Variants in ITSN1 observed in about 807,000 individuals in gnomAD.
ITSN1 encodes intersectin 1.
Under a neutral mutation model 239.8 loss-of-function variants are expected in ITSN1, and 58 were observed. That is an observed-to-expected ratio of 0.24 (90% confidence interval 0.20 to 0.30). The LOEUF is 0.30. ITSN1 is among the 10% of genes least tolerant of loss of function. The pLI is 1.00. For synonymous variants in ITSN1, 780 were observed against 770.8 expected (o/e 1.01, Z -0.20); for missense variants, 1,558 against 2,103.3 (o/e 0.74, Z 5.07).
At chr21:33,764,182 A>G (rs946858039) in intron 9 of ITSN1, among the ~76,000 whole-genome samples, 2 of 152,202 alleles carry the variant, frequency 1.3e-5, no homozygotes, top group Non-Finnish European at 2.9e-5. Context: ...TTTATTTTAA[A>G]TTTCTCATTT....
At chr21:33,861,674 C>T (rs191979295) in intron 31 of ITSN1, among the ~76,000 whole-genome samples, 15 of 152,146 alleles carry the variant, frequency 9.9e-5, no homozygotes, top group East Asian at 1.9e-4. Flanking sequence ...GGGCCGGGTG[C>T]GGTGGCTCAT....
chr21:33,691,690 T>C (rs2091554913), intron 1 of ITSN1, among the ~76,000 whole-genome samples: 1 of 152,218 alleles, frequency 6.6e-6, no homozygotes, highest in African/African-American at 2.4e-5. Context: ...TTCTGGAGGC[T>C]AAGTCTCAGA....
intron 38 of ITSN1, among the ~76,000 whole-genome samples, chr21:33,885,959 T>G (rs35576357): frequency 0.14 from 22,036 of 152,060 alleles, 1,904 homozygotes; most frequent in South Asian, 0.22. Flanking sequence ...GTAATCCCAG[T>G]GCTTTGGGAG....
At chr21:33,854,863 G>C (rs1012683655) in intron 29 of ITSN1, among the ~76,000 whole-genome samples, 4 of 152,128 alleles carry the variant, frequency 2.6e-5, no homozygotes, top group Admixed American at 6.5e-5. Context: ...GAGTGAGGTC[G>C]AGGGTGTTGA....
chr21:33,889,642 T>G lies in ITSN1; in HGVS notation c.*1342T>G, dbSNP rs113771266. The stretch of plus-strand genomic sequence containing the variant: ...TGTTAATATTCTCATAATCCTAGTT[T>G]GTTGTGGTCATGAAATGTCCTTTGC... On this transcript the variant is annotated 3_prime_UTR_variant, in exon 40 of 40. Transcript: ENST00000381318. The G allele has an allele frequency of 2.0e-5, 3 of 152,230 alleles. No individual in the cohort carries two copies. Among genetic ancestry groups the G allele is most frequent in the African/African-American group, 7.2e-5 (3 of 41,456 alleles). 9.4% of individuals were successfully genotyped at this position (152,230 alleles called of 1,614,324 possible). A position where few individuals can be genotyped will look rare whatever the true frequency, so the allele number is the denominator to read the frequency against.
At chr21:33,752,016 G>A in intron 7 of ITSN1, 110 bp downstream of exon 7, 1 of 726,944 alleles carries the variant, frequency 1.4e-6, no homozygotes, top group Non-Finnish European at 2.3e-6. Flanking sequence ...CATCTTTTTT[G>A]TAGGCTTTTG....
In ITSN1 at chr21:33,829,694, G is replaced by A; in HGVS notation, c.3300G>A (p.Leu1100=). ...PEQLTLAPGQ[L]ILIRKKNPGG... is the part of the protein sequence containing the mutation. ...AGCTCACTCTCGCCCCTGGTCAGCTGATTTTGATCCGAAAAAAGAACCCAG... is the reference window on the plus strand; with the variant it reads ...AGCTCACTCTCGCCCCTGGTCAGCTAATTTTGATCCGAAAAAAGAACCCAG... The change falls in exon 27 of 40, where the codon CTG becomes CTA. Residue 1100 remains leucine, a synonymous_variant. Coordinates refer to ENST00000381318, the MANE Select transcript of ITSN1 (RefSeq NM_003024.3). 6.2e-7 allele frequency: 1 copy of A among 1,613,192 alleles called. No homozygotes were observed.
chr21:33,708,251 C>G (rs568854670), intron 1 of ITSN1, among the ~76,000 whole-genome samples: 2 of 152,244 alleles, frequency 1.3e-5, no homozygotes, highest in African/African-American at 2.4e-5. Flanking sequence ...ATTGTGGATA[C>G]AAGTACTTTT....
intron 1 of ITSN1, among the ~76,000 whole-genome samples, chr21:33,676,799 G>T (rs1296733636): frequency 6.6e-6 from 1 of 152,192 alleles, no homozygotes; most frequent in Non-Finnish European, 1.5e-5. Flanking sequence ...GTGATAGTTT[G>T]TTCGGAATGA....
chr21:33,815,750 G>A (rs2073223284), intron 22 of ITSN1, among the ~76,000 whole-genome samples: 1 of 152,132 alleles, frequency 6.6e-6, no homozygotes, highest in Admixed American at 6.5e-5. Context: ...GGATGAGGAA[G>A]AGTGAAGAGA....
rs767936019 is a variant in ITSN1, at chr21:33,761,965, A to C, written c.767A>C (p.Gln256Pro). Residue 256 changes from glutamine to proline, a missense_variant, in exon 9 of 40, where the codon CAG (glutamine) becomes CCG (proline). Gln to Pro is a moderately conservative substitution (Grantham distance 76). Coordinates refer to ENST00000381318, the MANE Select transcript of ITSN1 (RefSeq NM_003024.3). ...RTILMQSSLP[Q>P]AQLASIWNLS... ...ATTCTTATGCAGTCAAGTTTACCAC[A>C]GGCTCAGCTGGCTTCAATATGGTAA... 6.2e-7 allele frequency: 1 copy of C among 1,613,598 alleles called. No homozygotes were observed. The highest frequency in any genetic ancestry group is 8.5e-7 in the Non-Finnish European group (1 of 1,179,610).
intron 29 of ITSN1, among the ~76,000 whole-genome samples, chr21:33,842,226 A>C (rs1021392513): frequency 3.3e-5 from 5 of 152,156 alleles, no homozygotes; most frequent in African/African-American, 1.2e-4. Flanking sequence ...AAAACCCCAC[A>C]TAGGAAAAAC....
rs753621261 is a variant in ITSN1, at chr21:33,876,151, TTC to T, written c.4341+639_4341+640del. 1.6e-4 allele frequency among the ~76,000 whole-genome samples: 7 copies of T among 42,816 alleles called. No individual in the cohort carries two copies. In the East Asian group the frequency reaches 2.9e-3, roughly 17 times the overall value. 28.1% of individuals were successfully genotyped at this position (42,816 alleles called of 152,430 possible). ...TTTCTTTCTTTCTTTCTTTCTTTCTTTCTCTCTCTCCCTCTTTCTTTCTTTCC... is the reference window on the plus strand; with the variant it reads ...TTTCTTTCTTTCTTTCTTTCTTTCTTTCTCTCTCCCTCTTTCTTTCTTTCC... On this transcript the variant is annotated intron_variant, in intron 34 of 39. Coordinates refer to ENST00000381318, the MANE Select transcript of ITSN1 (RefSeq NM_003024.3).
At chr21:33,683,754 GTTTCCAAATAT>G (rs1173465897) in intron 1 of ITSN1, among the ~76,000 whole-genome samples, 9 of 152,148 alleles carry the variant, frequency 5.9e-5, no homozygotes, top group Non-Finnish European at 1.2e-4. Flanking sequence ...GCTTAATGCA[GTTTCCAAATAT>G]TTGAAATACT....
intron 14 of ITSN1, 41 bp downstream of exon 14, chr21:33,775,149 G>A (rs1350766499): frequency 4.4e-6 from 7 of 1,579,178 alleles, no homozygotes; most frequent in Non-Finnish European, 6.0e-6. Flanking sequence ...TATTAAACTG[G>A]CATCCTTTTC....
chr21:33,809,974 G>T (rs1602371391), intron 20 of ITSN1, among the ~76,000 whole-genome samples: 1 of 152,026 alleles, frequency 6.6e-6, no homozygotes, highest in Admixed American at 6.5e-5. Flanking sequence ...TGTATTTGTA[G>T]TAGAGACGAG....
intron 1 of ITSN1, among the ~76,000 whole-genome samples, chr21:33,654,835 ACT>A (rs558960091): frequency 6.1e-4 from 92 of 152,048 alleles, no homozygotes; most frequent in Non-Finnish European, 1.0e-3. Flanking sequence ...ACACTACCTG[ACT>A]CTCTGACAGC....
rs375832597 is a variant in ITSN1 at position 33,867,349 on chromosome 21, C to G, written c.4173+18C>G. 7 of 1,450,446 alleles carry G rather than the reference C, an allele frequency of 4.8e-6. No homozygotes were observed. The African/African-American group carries it at 8.4e-5, about 17-fold the overall frequency. 89.8% of individuals were successfully genotyped at this position (1,450,446 alleles called of 1,614,324 possible). ...TTAAAAATGTAAGTACCTGTCTTGC[C>G]TTTTCAAGCAGGGGACGGCTTTCTC... On this transcript the variant is annotated intron_variant, in intron 33 of 39. Transcript: ENST00000381318.
intron 5 of ITSN1, among the ~76,000 whole-genome samples, chr21:33,748,315 T>A (rs1027906621): frequency 1.3e-5 from 2 of 152,030 alleles, no homozygotes; most frequent in South Asian, 4.1e-4. Context: ...CTGCATTTGG[T>A]GGTGCGTGTC....
Sources: allele counts gnomAD v4.1 joint callset (sites outside exome capture counted in the v4.1 genomes callset), GRCh38; gene constraint gnomAD v4.1.1; transcripts MANE v1.5; gene names NCBI Gene and HGNC (gene_info 2026-07-23, HGNC 2026-07-21).